PTPRS: variants seen among roughly 807,000 people sequenced by gnomAD.
The protein encoded by PTPRS is protein tyrosine phosphatase receptor type S.
A neutral mutation model predicts 215.3 loss-of-function variants in PTPRS; 63 were observed. The ratio of observed to expected loss-of-function variants is 0.29; its 90% CI spans 0.24 to 0.36. The LOEUF is 0.36. Among genes scored for constraint, PTPRS ranks in the 10% least tolerant of loss-of-function variants. The pLI is 1.00. For synonymous variants in PTPRS, 1,404 were observed against 1,191.4 expected (o/e 1.18, Z -3.68); for missense variants, 2,258 against 2,825.8 (o/e 0.80, Z 4.56).
In PTPRS at chr19:5,218,433, G is replaced by A; in HGVS notation, c.4035C>T (p.Asn1345=). ...PKDPVEMRRI[N]FQTPDSGLRS... is the part of the protein sequence containing the mutation. The stretch of plus-strand genomic sequence containing the variant: ...ATAAGTACATACCTGGAGTCTGGAA[G>A]TTAATGCGTCTCATTTCCACAGGGT... The change falls in exon 25 of 38, where the codon AAC becomes AAT. Residue 1345 remains asparagine (N), a synonymous_variant. Coordinates refer to ENST00000262963, the MANE Select transcript of PTPRS (RefSeq NM_002850.4). 6.2e-7 allele frequency: 1 copy of A among 1,613,786 alleles called. No homozygotes were observed. Among genetic ancestry groups the A allele is most frequent in the Non-Finnish European group, 8.5e-7 (1 of 1,179,878 alleles).
At chr19:5,319,422 T>C (rs2049966185) in intron 1 of PTPRS, among the ~76,000 whole-genome samples, 1 of 149,288 alleles carries the variant, frequency 6.7e-6, no homozygotes, top group African/African-American at 2.4e-5. Flanking sequence ...TCTTTTTTTT[T>C]TTTTTTTTTT....
intron 2 of PTPRS, among the ~76,000 whole-genome samples, chr19:5,284,143 G>A (rs1291043521): frequency 6.8e-6 from 1 of 147,762 alleles, no homozygotes; most frequent in East Asian, 2.1e-4. Flanking sequence ...GGAGGATCAT[G>A]AGGTCAGGAG....
intron 37 of PTPRS, among the ~76,000 whole-genome samples, 198 bp from the exon 38 acceptor site, chr19:5,207,040 C>T (rs566922156): frequency 7.2e-5 from 11 of 152,340 alleles, no homozygotes; most frequent in East Asian, 1.9e-4. Context: ...GCTCTTCACC[C>T]GGAACGCCCT....
chr19:5,216,968 T>C (rs1405334866), intron 25 of PTPRS, among the ~76,000 whole-genome samples: 2 of 152,186 alleles, frequency 1.3e-5, no homozygotes, highest in African/African-American at 4.8e-5. Context: ...TGGACACCAG[T>C]CAATCCTGGT....
intron 3 of PTPRS, 93 bp from the exon 4 acceptor site, chr19:5,273,676 G>C (rs2047111978): frequency 2.7e-6 from 4 of 1,457,734 alleles, no homozygotes; most frequent in Non-Finnish European, 3.8e-6. Flanking sequence ...TAGGGGAATG[G>C]CAGTCAGCCC....
rs368887392 is a variant in PTPRS, at chr19:5,205,625, T to C, written c.*1149A>G. Among the ~76,000 whole-genome samples the C allele has an allele frequency of 7.5e-4, 115 of 152,326 alleles. No individual in the cohort carries two copies. Among genetic ancestry groups the C allele is most frequent in the African/African-American group, 2.6e-3 (107 of 41,580 alleles). On this transcript the variant is annotated 3_prime_UTR_variant, in exon 38 of 38. Transcript: ENST00000262963. ...GAAAGTAACCGCAGACCTGCCCTTG[T>C]ACAAAGAGGAACAACTCGCTTGCTC...
intron 9 of PTPRS, among the ~76,000 whole-genome samples, chr19:5,252,416 G>C (rs1488397464): frequency 2.6e-5 from 4 of 150,998 alleles, no homozygotes; most frequent in Admixed American, 1.3e-4. Context: ...GTCTCTACCA[G>C]AAATACAAAA....
intron 1 of PTPRS, among the ~76,000 whole-genome samples, chr19:5,310,658 T>TA (rs2049671599): frequency 1.3e-5 from 2 of 152,118 alleles, no homozygotes; most frequent in Admixed American, 1.3e-4. Flanking sequence ...AGTCAATCCT[T>TA]AACACATATT....
chr19:5,211,647 G>A lies in PTPRS; in HGVS notation c.5177C>T (p.Pro1726Leu), dbSNP rs770574044. Residue 1726 changes from proline (P) to leucine (L), a missense_variant, in exon 33 of 38, where the codon CCC becomes CTC. Physicochemically the swap from Pro to Leu is moderately conservative, Grantham distance 98 (BLOSUM62 -3). Transcript: ENST00000262963. ...GTCAGAGCCCTCCACACCCCGGATG[G>A]GTTGCAGACAGACCCGTGTGCTCTC... is the stretch of plus-strand genomic sequence containing the variant. ...PYESTRVCLQPIRGVEGSDYI... is the reference protein window; with the variant it reads ...PYESTRVCLQLIRGVEGSDYI... The A allele has an allele frequency of 1.9e-6, 3 of 1,613,936 alleles. No individual in the cohort carries two copies. The highest frequency in any genetic ancestry group is 1.7e-5 in the Admixed American group (1 of 59,992).
Position 5,238,990 on chromosome 19 carries a change from C to T in PTPRS, c.1778G>A (p.Arg593His), listed in dbSNP as rs771916005. ...GCCCTGCGGCGAGCGGGCCGCCAGGCGGAAGGCGTACTCCGTGTTGGGCTT... is the reference window on the plus strand; with the variant it reads ...GCCCTGCGGCGAGCGGGCCGCCAGGTGGAAGGCGTACTCCGTGTTGGGCTT... ...DLKPNTEYAF[R>H]LAARSPQGLG... Residue 593 changes from arginine (R) to histidine (H), a missense_variant, in exon 13 of 38, where the codon CGC becomes CAC. This residue lies in a region of PTPRS where 371 missense variants were observed against 446.7 expected (regional missense o/e 0.83). Transcript: ENST00000262963. The T allele has an allele frequency of 1.1e-5, 17 of 1,613,126 alleles. No homozygotes were observed. Among genetic ancestry groups the T allele is most frequent in the Non-Finnish European group, 1.3e-5 (15 of 1,179,746 alleles).
chr19:5,211,778 G>C lies in PTPRS; in HGVS notation c.5056-10C>G. The C allele has an allele frequency of 6.2e-7, 1 of 1,608,314 alleles. No individual in the cohort carries two copies. Among genetic ancestry groups the C allele is most frequent in the Non-Finnish European group, 8.5e-7 (1 of 1,175,252 alleles). The stretch of plus-strand genomic sequence containing the variant: ...TGGAGTTAGCCAGCCGCTGTGGGGA[G>C]GAGGAAGCCAGAGGCCACCATCAGG... On this transcript the variant is annotated splice_polypyrimidine_tract_variant and intron_variant, in intron 32 of 37. Coordinates refer to ENST00000262963, the MANE Select transcript of PTPRS (RefSeq NM_002850.4).
At chr19:5,270,817 G>C (rs2046845184) in intron 4 of PTPRS, among the ~76,000 whole-genome samples, 1 of 152,138 alleles carries the variant, frequency 6.6e-6, no homozygotes, top group South Asian at 2.1e-4. Flanking sequence ...GCTAATTTTT[G>C]TATTTTTAGT....
intron 2 of PTPRS, among the ~76,000 whole-genome samples, chr19:5,277,407 G>C (rs1046270707): frequency 6.6e-6 from 1 of 152,104 alleles, no homozygotes; most frequent in African/African-American, 2.4e-5. Context: ...TGTAATCCCA[G>C]CACTCTGGGA....
chr19:5,207,570 TGAAGCTAG>T (rs2040478677), intron 37 of PTPRS, among the ~76,000 whole-genome samples: 1 of 152,190 alleles, frequency 6.6e-6, no homozygotes. Flanking sequence ...ACATTCCCCT[TGAAGCTAG>T]GAGTCTGGGC....
chr19:5,222,650 C>T lies in PTPRS; in HGVS notation c.3103+39G>A, dbSNP rs932186604. On this transcript the variant is annotated intron_variant, in intron 18 of 37. Transcript: ENST00000262963. ...GGCTGGGGTGGGGGTGGGCGCAAGGCCCGGTCCGGCTCTGGTGCAGGGGTC... is the reference window on the plus strand; with the variant it reads ...GGCTGGGGTGGGGGTGGGCGCAAGGTCCGGTCCGGCTCTGGTGCAGGGGTC... 7.4e-6 allele frequency: 11 copies of T among 1,484,870 alleles called. No homozygotes were observed. The South Asian group carries it at 1.1e-4, about 14-fold the overall frequency. 92.0% of individuals were successfully genotyped at this position (1,484,870 alleles called of 1,614,324 possible).
rs545420672 is a variant in PTPRS at position 5,319,108 on chromosome 19, C to G, written c.-95+21556G>C. Among the ~76,000 whole-genome samples, 6 of 152,280 alleles carry G rather than the reference C, an allele frequency of 3.9e-5. No individual in the cohort carries two copies. In the South Asian group the frequency reaches 1.2e-3, roughly 32 times the overall value. ...TGGAAAGAAAAAAAGGAGGGATACT[C>G]TACCTTCAAAAGCCATCCCAAGGCC... On this transcript the variant is annotated intron_variant, in intron 1 of 37. Transcript: ENST00000262963.
Position 5,274,242 on chromosome 19 carries a change from G to T in PTPRS, c.194C>A (p.Thr65Asn). ...GACCTTCTTGCCCTTCTTGTTCCAGGTCACTCGTGGCTTGGGGTCACCCGT... is the reference window on the plus strand; with the variant it reads ...GACCTTCTTGCCCTTCTTGTTCCAGTTCACTCGTGGCTTGGGGTCACCCGT... ...QATGDPKPRV[T>N]WNKKGKKVNS... Residue 65 changes from threonine to asparagine, a missense_variant, in exon 3 of 38, where the codon ACC (threonine) becomes AAC (asparagine). Physicochemically the swap from Thr to Asn is moderately conservative, Grantham distance 65. Coordinates refer to ENST00000262963, the MANE Select transcript of PTPRS (RefSeq NM_002850.4). 6.2e-7 allele frequency: 1 copy of T among 1,613,990 alleles called. No individual in the cohort carries two copies. Among genetic ancestry groups the T allele is most frequent in the East Asian group, 2.2e-5 (1 of 44,868 alleles).
chr19:5,319,268 A>C (rs1466953095), intron 1 of PTPRS, among the ~76,000 whole-genome samples: 1 of 151,964 alleles, frequency 6.6e-6, no homozygotes, highest in Non-Finnish European at 1.5e-5. Flanking sequence ...AAAATTAGCC[A>C]TGCGTGGTGG....
chr19:5,267,529 C>T (rs556685635), intron 4 of PTPRS, among the ~76,000 whole-genome samples: 79 of 151,968 alleles, frequency 5.2e-4, no homozygotes, highest in African/African-American at 1.7e-3. Context: ...TGGTGGCGGA[C>T]GCCTGTAATC....
Sources: gnomAD v4.1 joint callset for allele counts (sites outside exome capture counted in the v4.1 genomes callset) on GRCh38, gnomAD v4.1.1 for gene constraint, gnomAD v4.1.1 regional missense constraint, MANE v1.5 for transcripts, NCBI Gene and HGNC (gene_info 2026-07-23, HGNC 2026-07-21) for gene names.